The following RGS20 variants were observed in gnomAD, a reference collection of about 807,000 sequenced individuals.
RGS20 encodes regulator of G protein signaling 20.
A neutral mutation model predicts 33.6 loss-of-function variants in RGS20; 30 were observed. That is an observed-to-expected ratio of 0.89 (90% CI 0.67 to 1.21). The LOEUF is 1.21. RGS20 is among the 50% of genes most tolerant of loss of function. RGS20 has a pLI of 0.00. For missense variants in RGS20, 472 were observed against 502.4 expected, an observed-to-expected ratio of 0.94 and a Z score of 0.58; for synonymous variants, 208 against 197.9, an observed-to-expected ratio of 1.05 and a Z score of -0.43.
chr8:53,862,530 T>C (rs1020669110), intron 1 of RGS20, among the ~76,000 whole-genome samples: 3 of 152,276 alleles, frequency 2.0e-5, no homozygotes, highest in Admixed American at 2.0e-4. Context: ...TTATAAAAAA[T>C]TAGCTGGAGG....
chr8:53,958,184 A>G (rs1165127198), intron 5 of RGS20, 86 bp from the exon 5 acceptor site: 2 of 1,004,058 alleles, frequency 2.0e-6, no homozygotes, highest in South Asian at 2.3e-5. Context: ...CAAAAACAAC[A>G]ACAAAAATCC....
intron 4 of RGS20, among the ~76,000 whole-genome samples, chr8:53,948,648 A>T (rs183013357): frequency 1.3e-4 from 18 of 134,092 alleles, no homozygotes; most frequent in Admixed American, 5.5e-4. Flanking sequence ...GCTATATATA[A>T]GATACAGTAC....
At chr8:53,868,311 A>G (rs1811965460) in intron 1 of RGS20, among the ~76,000 whole-genome samples, 1 of 152,222 alleles carries the variant, frequency 6.6e-6, no homozygotes, top group African/African-American at 2.4e-5. Flanking sequence ...AATATGAACC[A>G]AGAATATCAC....
intron 5 of RGS20, among the ~76,000 whole-genome samples, chr8:53,957,953 C>T (rs1449295626): frequency 6.6e-6 from 1 of 151,980 alleles, no homozygotes; most frequent in Non-Finnish European, 1.5e-5. Context: ...TCGAAACCAA[C>T]CAACACGGAG....
At chr8:53,931,116 G>C (rs965369009) in intron 2 of RGS20, among the ~76,000 whole-genome samples, 1 of 152,170 alleles carries the variant, frequency 6.6e-6, no homozygotes, top group Non-Finnish European at 1.5e-5. Context: ...TTTTGGCTAA[G>C]TGAGCCACAC....
At chr8:53,927,219 G>A (rs1339820408) in intron 2 of RGS20, among the ~76,000 whole-genome samples, 1 of 55,212 alleles carries the variant, frequency 1.8e-5, no homozygotes, top group African/African-American at 6.3e-5. Context: ...TTTTTTTTTT[G>A]AGACAAGGTC....
intron 2 of RGS20, among the ~76,000 whole-genome samples, chr8:53,908,129 C>T (rs1178515011): frequency 1.3e-5 from 2 of 152,014 alleles, no homozygotes; most frequent in Admixed American, 6.6e-5. Flanking sequence ...GCATATGGAA[C>T]AAAAAGATGG....
At chr8:53,868,789 G>A (rs757473322) in intron 1 of RGS20, among the ~76,000 whole-genome samples, 2 of 151,548 alleles carry the variant, frequency 1.3e-5, no homozygotes, top group Non-Finnish European at 2.9e-5. Context: ...GTCTCCCTCT[G>A]TTACCCATGT....
intron 2 of RGS20, among the ~76,000 whole-genome samples, chr8:53,908,323 G>A (rs1813240615): frequency 6.6e-6 from 1 of 152,118 alleles, no homozygotes; most frequent in Non-Finnish European, 1.5e-5. Context: ...GTAAAACACT[G>A]GACTTGCCGA....
chr8:53,934,516 T>A (rs951341068), intron 2 of RGS20, among the ~76,000 whole-genome samples: 2 of 152,140 alleles, frequency 1.3e-5, no homozygotes, highest in Middle Eastern at 3.4e-3. Context: ...AAGAAGGGCA[T>A]CATTACATAA....
intron 2 of RGS20, among the ~76,000 whole-genome samples, chr8:53,888,512 G>T (rs1443283383): frequency 1.3e-5 from 2 of 152,130 alleles, no homozygotes; most frequent in Admixed American, 1.3e-4. Context: ...ATTGAGGGGG[G>T]CTGTCCATTG....
chr8:53,895,166 G>A (rs1812821771), intron 2 of RGS20, among the ~76,000 whole-genome samples: 1 of 152,192 alleles, frequency 6.6e-6, no homozygotes, highest in Non-Finnish European at 1.5e-5. Context: ...AATGAGTGAT[G>A]CATGAGGAAT....
At chr8:53,887,727 C>T (rs1246231115) in intron 2 of RGS20, among the ~76,000 whole-genome samples, 1 of 152,010 alleles carries the variant, frequency 6.6e-6, no homozygotes, top group Non-Finnish European at 1.5e-5. Flanking sequence ...CTGTAATTCC[C>T]ACACTTTAGG....
At chr8:53,892,303 G>T (rs1812731877) in intron 2 of RGS20, among the ~76,000 whole-genome samples, 1 of 152,136 alleles carries the variant, frequency 6.6e-6, no homozygotes, top group Non-Finnish European at 1.5e-5. Context: ...TTGGACATTT[G>T]GGTTGGTTCC....
In RGS20 at chr8:53,902,788, C is replaced by T. The variant is rs182459785; in HGVS notation, c.510+23186C>T. Among the ~76,000 whole-genome samples, 991 of 152,054 alleles carry T rather than the reference C, an allele frequency of 6.5e-3. 8 individuals are homozygous for T. The highest frequency in any genetic ancestry group is 0.021 in the African/African-American group (888 of 41,434). On this transcript the variant is annotated intron_variant, in intron 2 of 5. Transcript: ENST00000297313. ...TCGCCCAGGCTAGAGTGCAGTGGCA[C>T]GATCTCGGCTCACAGCAACCTCTGC... is the stretch of plus-strand genomic sequence containing the variant.
intron 2 of RGS20, among the ~76,000 whole-genome samples, chr8:53,908,233 C>A: frequency 6.6e-6 from 1 of 152,050 alleles, no homozygotes; most frequent in Non-Finnish European, 1.5e-5. Context: ...CACATGCAGA[C>A]AAGGCAGCTA....
chr8:53,951,615 G>A (rs953128592), intron 4 of RGS20, among the ~76,000 whole-genome samples: 1 of 152,174 alleles, frequency 6.6e-6, no homozygotes, highest in African/African-American at 2.4e-5. Flanking sequence ...AACATGAACA[G>A]TTATGATAAC....
intron 2 of RGS20, chr8:53,881,038 AGCCGGCCGGGGCTTCCTCCCCG>A (rs1187207185): frequency 6.3e-7 from 1 of 1,582,172 alleles, no homozygotes; most frequent in Non-Finnish European, 8.5e-7. Context: ...GACGGAGGCG[AGCCGGCCGGGGCTTCCTCCCCG>A]GCCGGCAGGG....
chr8:53,869,586 G>C (rs1812009373), intron 1 of RGS20, among the ~76,000 whole-genome samples: 1 of 152,084 alleles, frequency 6.6e-6, no homozygotes, highest in Non-Finnish European at 1.5e-5. Flanking sequence ...TGAGGCAGGA[G>C]AATCGCTTGA....
Sources: gnomAD v4.1 joint callset for allele counts (sites outside exome capture counted in the v4.1 genomes callset) on GRCh38, gnomAD v4.1.1 for gene constraint, MANE v1.5 for transcripts, NCBI Gene and HGNC (gene_info 2026-07-23, HGNC 2026-07-21) for gene names.